The following EAF2 variants were observed in gnomAD, a reference collection of about 807,000 sequenced individuals.
The protein encoded by EAF2 is ELL-associated factor 2.
A neutral mutation model predicts 29.4 loss-of-function variants in EAF2; 29 were observed. The ratio of observed to expected loss-of-function variants is 0.99; its 90% CI spans 0.73 to 1.35. The LOEUF (loss-of-function observed/expected upper bound fraction) is 1.35, where lower values mean the gene tolerates loss of function less well. Among genes scored for constraint, EAF2 ranks in the 40% most tolerant of loss-of-function variants. The probability of loss-of-function intolerance (pLI) is 0.00; values close to 1 mark genes in which losing one functional copy is unlikely to be tolerated. For missense variants in EAF2, 292 were observed against 312.0 expected (o/e 0.94, Z 0.48); for synonymous variants, 103 against 102.5 (o/e 1.00, Z -0.03).
At chr3:121,873,535 C>G (rs1709051550) in intron 5 of EAF2, among the ~76,000 whole-genome samples, 1 of 151,798 alleles carries the variant, frequency 6.6e-6, no homozygotes, top group Non-Finnish European at 1.5e-5. Flanking sequence ...TTTATGTAGT[C>G]AAGCCCATTT....
intron 5 of EAF2, among the ~76,000 whole-genome samples, chr3:121,878,249 TA>T (rs1709135399): frequency 6.6e-6 from 1 of 152,056 alleles, no homozygotes; most frequent in South Asian, 2.1e-4. Flanking sequence ...AAAATTAAGT[TA>T]AAATTATAAC....
chr3:121,835,823 G>T (rs569094646), intron 1 of EAF2, among the ~76,000 whole-genome samples: 98 of 152,232 alleles, frequency 6.4e-4, no homozygotes, highest in Admixed American at 1.8e-3. Flanking sequence ...CTCACCTCTG[G>T]CAGATGAGGG....
At chr3:121,872,500 T>A (rs1172241435) in intron 4 of EAF2, 37 bp from the exon 5 acceptor site, 1 of 1,440,532 alleles carries the variant, frequency 6.9e-7, no homozygotes. Flanking sequence ...TAGCATTTTT[T>A]ATTTAACCTA....
Position 121,835,258 on chromosome 3 carries a change from G to T in EAF2, c.-28G>T. On this transcript the variant is annotated 5_prime_UTR_variant, in exon 1 of 6. Coordinates refer to ENST00000273668, the MANE Select transcript of EAF2 (RefSeq NM_018456.6). ...TGGCAGATAGTGAGCGCTGGTGGCG[G>T]AGTTAAAGTCAAAGCAGGAGAGTAA... 6.2e-7 allele frequency: 1 copy of T among 1,607,174 alleles called. No homozygotes were observed. Among genetic ancestry groups the T allele is most frequent in the Non-Finnish European group, 8.5e-7 (1 of 1,173,598 alleles).
At position 121,864,637 on chromosome 3, in the gene EAF2, A is replaced by T. The variant is rs188593148; in HGVS notation, c.484+7481A>T. On this transcript the variant is annotated intron_variant, in intron 4 of 5. Transcript: ENST00000273668. ...TTGAGAGCAGCCTGGGCAACATGGT[A>T]AAACCCCATCTCTACAAAAAAATGC... Among the ~76,000 whole-genome samples, 548 of 134,966 alleles carry T rather than the reference A, an allele frequency of 4.1e-3. 4 individuals are homozygous for T. The highest frequency in any genetic ancestry group is 0.014 in the African/African-American group (524 of 38,510). The allele number at this position is 134,966 out of a possible 152,430, so 88.5% of individuals were successfully genotyped here. A position where few individuals can be genotyped will look rare whatever the true frequency, so the allele number is the denominator to read the frequency against.
chr3:121,844,304 T>C, intron 1 of EAF2, 149 bp from the exon 2 acceptor site: 1 of 523,386 alleles, frequency 1.9e-6, no homozygotes, highest in Non-Finnish European at 3.4e-6. Flanking sequence ...TAGATTGTAT[T>C]TTGTTTGTTC....
At chr3:121,838,738 ATGTT>A (rs1454107016) in intron 1 of EAF2, among the ~76,000 whole-genome samples, 1 of 152,198 alleles carries the variant, frequency 6.6e-6, no homozygotes, top group Non-Finnish European at 1.5e-5. Context: ...TTTGATATGT[ATGTT>A]CATATATGTA....
chr3:121,850,331 A>AT (rs906212858), intron 2 of EAF2, among the ~76,000 whole-genome samples: 10 of 135,740 alleles, frequency 7.4e-5, no homozygotes, highest in South Asian at 2.4e-4. Context: ...TTTGTCTTTG[A>AT]TTTTTTTTTC....
Position 121,857,050 on chromosome 3 carries a change from A to G in EAF2, c.378A>G (p.Gln126=). Residue 126 remains glutamine, a synonymous_variant, in exon 4 of 6, where the codon CAA becomes CAG. Coordinates refer to ENST00000273668, the MANE Select transcript of EAF2 (RefSeq NM_018456.6). ...GTAAAATTCAGTATCGTAAAGAACA[A>G]CAGCAACAACAAATGTGGAATTCAG... is the stretch of plus-strand genomic sequence containing the variant. ...GSSKIQYRKE[Q]QQQQMWNSAR... 3 of 1,613,978 alleles carry G rather than the reference A, an allele frequency of 1.9e-6. No individual in the cohort carries two copies. Among genetic ancestry groups the G allele is most frequent in the Non-Finnish European group, 2.5e-6 (3 of 1,179,904 alleles).
chr3:121,866,242 G>A (rs1290443702), intron 4 of EAF2, among the ~76,000 whole-genome samples: 2 of 152,098 alleles, frequency 1.3e-5, no homozygotes, highest in African/African-American at 4.8e-5. Context: ...TGGAGATTTA[G>A]TTGAGAAGAC....
intron 5 of EAF2, among the ~76,000 whole-genome samples, chr3:121,885,763 T>C (rs1357696453): frequency 6.6e-6 from 1 of 152,144 alleles, no homozygotes; most frequent in African/African-American, 2.4e-5. Context: ...CTATTTAAAA[T>C]AGCACCTGCC....
At chr3:121,841,496 C>A (rs1443818747) in intron 1 of EAF2, among the ~76,000 whole-genome samples, 1 of 101,866 alleles carries the variant, frequency 9.8e-6, no homozygotes, top group Non-Finnish European at 1.9e-5. Context: ...CAGAGGGAGA[C>A]CCTGTCTCAA....
intron 5 of EAF2, among the ~76,000 whole-genome samples, chr3:121,879,309 C>A (rs1441609943): frequency 6.6e-6 from 1 of 152,046 alleles, no homozygotes; most frequent in African/African-American, 2.4e-5. Context: ...GGATAATTTG[C>A]AAATATTTTT....
At chr3:121,876,429 CAGAA>C (rs1485287808) in intron 5 of EAF2, among the ~76,000 whole-genome samples, 1 of 151,270 alleles carries the variant, frequency 6.6e-6, no homozygotes, top group African/African-American at 2.4e-5. Flanking sequence ...AAAGTGAAAA[CAGAA>C]GGAAAGTGTG....
intron 2 of EAF2, among the ~76,000 whole-genome samples, chr3:121,848,908 AAG>A (rs1708580440): frequency 6.6e-6 from 1 of 152,134 alleles, no homozygotes; most frequent in Non-Finnish European, 1.5e-5. Flanking sequence ...AAGAGAATGA[AAG>A]AGTTATTTAG....
At chr3:121,835,515 G>A (rs1043951298) in intron 1 of EAF2, 124 bp downstream of exon 1, 2 of 849,494 alleles carry the variant, frequency 2.4e-6, no homozygotes, top group South Asian at 3.1e-5. Context: ...GGGCGGGGAG[G>A]GGGGAGGCAG....
In EAF2 at chr3:121,850,986, C is replaced by T. The variant is rs541288135; in HGVS notation, c.202-3701C>T. On this transcript the variant is annotated intron_variant, in intron 2 of 5. Coordinates refer to ENST00000273668, the MANE Select transcript of EAF2 (RefSeq NM_018456.6). ...AAAGTGCTGGGATTGCAAGCGTGAGCCACCGTGCCCGGCCAAGTCTATTCT... is the reference window on the plus strand; with the variant it reads ...AAAGTGCTGGGATTGCAAGCGTGAGTCACCGTGCCCGGCCAAGTCTATTCT... Among the ~76,000 whole-genome samples, 10 of 152,300 alleles carry T rather than the reference C, an allele frequency of 6.6e-5. No homozygotes were observed. In the South Asian group the frequency reaches 2.1e-3, roughly 32 times the overall value.
At chr3:121,837,209 G>T (rs925974642) in intron 1 of EAF2, among the ~76,000 whole-genome samples, 1 of 152,150 alleles carries the variant, frequency 6.6e-6, no homozygotes, top group Admixed American at 6.5e-5. Context: ...TAATGGCACA[G>T]AATCATTTTA....
chr3:121,854,608 C>G (rs12629720), intron 2 of EAF2, 79 bp from the exon 3 acceptor site: 131,285 of 1,225,360 alleles, frequency 0.11, 7,440 homozygotes, highest in South Asian at 0.16. Context: ...AGGAGAAACC[C>G]AGAATCAAGA....
Sources: allele counts gnomAD v4.1 joint callset (sites outside exome capture counted in the v4.1 genomes callset), GRCh38; gene constraint gnomAD v4.1.1; transcripts MANE v1.5; gene names NCBI Gene and HGNC (gene_info 2026-07-23, HGNC 2026-07-21).